Variants in NCKAP1 observed in about 807,000 individuals in gnomAD.
The protein encoded by NCKAP1 is NCK associated protein 1.
Under a neutral mutation model 151.2 loss-of-function variants are expected in NCKAP1, and 21 were observed. That is an observed-to-expected ratio of 0.14 (90% confidence interval 0.10 to 0.20). The LOEUF (loss-of-function observed/expected upper bound fraction) is 0.20, where lower values mean the gene tolerates loss of function less well. Among genes scored for constraint, NCKAP1 ranks in the 10% least tolerant of loss-of-function variants. The probability of loss-of-function intolerance (pLI) is 1.00; values close to 1 mark genes in which losing one functional copy is unlikely to be tolerated. For missense variants in NCKAP1, 933 were observed against 1,352.1 expected (o/e 0.69, Z 4.86); for synonymous variants, 484 against 451.8 (o/e 1.07, Z -0.90).
At chr2:182,979,012 A>C (rs1256301418) in intron 13 of NCKAP1, 97 bp from the exon 14 acceptor site, 4 of 571,472 alleles carry the variant, frequency 7.0e-6, no homozygotes, top group African/African-American at 1.9e-5. Context: ...TGGTATACCC[A>C]TACTATGGAA....
At chr2:182,969,083 A>G (rs2105840634) in intron 15 of NCKAP1, among the ~76,000 whole-genome samples, 1 of 152,334 alleles carries the variant, frequency 6.6e-6, no homozygotes, top group Non-Finnish European at 1.5e-5. Flanking sequence ...AACAGGAATT[A>G]GCTATAGCTG....
At chr2:182,996,423 C>T (rs1250814586) in intron 6 of NCKAP1, among the ~76,000 whole-genome samples, 1 of 152,026 alleles carries the variant, frequency 6.6e-6, no homozygotes. Flanking sequence ...ATGTCTTTTG[C>T]TATTAATCCC....
At chr2:183,002,755 C>A (rs374375453) in intron 4 of NCKAP1, among the ~76,000 whole-genome samples, 1 of 151,742 alleles carries the variant, frequency 6.6e-6, no homozygotes, top group African/African-American at 2.4e-5. Context: ...CTAAAGTTAA[C>A]GTGTATTTCC....
At position 182,952,878 on chromosome 2, in the gene NCKAP1, T is replaced by C. The variant is rs755021686; in HGVS notation, c.2418A>G (p.Ala806=). Residue 806 remains alanine, a synonymous_variant, in exon 22 of 31, where the codon GCA becomes GCG. Transcript: ENST00000361354. ...LLRQVSNGHI[A]YFPAMKAFVN... is the part of the protein sequence containing the mutation. The stretch of plus-strand genomic sequence containing the variant: ...CAAACGCTTTCATTGCAGGAAAATA[T>C]GCTATATGGCCATTGCTGACTTGTC... 3 of 1,612,516 alleles carry C rather than the reference T, an allele frequency of 1.9e-6. No homozygotes were observed. The Admixed American group carries it at 5.0e-5, about 27-fold the overall frequency.
Position 182,928,916 on chromosome 2 carries a change from A to G in NCKAP1, c.2954-17T>C, listed in dbSNP as rs758290001. 6.7e-6 allele frequency: 10 copies of G among 1,487,826 alleles called. No individual in the cohort carries two copies. The highest frequency in any genetic ancestry group is 9.3e-6 in the Non-Finnish European group (10 of 1,071,720). 92.2% of individuals were successfully genotyped at this position (1,487,826 alleles called of 1,614,324 possible). ...TAATGTTTTCTAAGAGACAAAAATT[A>G]AGAATAAAATCAAGGTATTTCTTCA... On this transcript the variant is annotated splice_polypyrimidine_tract_variant and intron_variant, in intron 27 of 30. Transcript: ENST00000361354.
In NCKAP1 at chr2:182,957,454, T is replaced by C. The variant is rs1450538244; in HGVS notation, c.2021+3A>G. Reference sequence around the variant, plus strand: ...AAAAGGTATAATATAAGTGGATACTTACTTGGTCACAACCAGCCTGTTTTT... The same window carrying C: ...AAAAGGTATAATATAAGTGGATACTCACTTGGTCACAACCAGCCTGTTTTT... On this transcript the variant is annotated splice_donor_region_variant and intron_variant, in intron 19 of 30. Coordinates refer to ENST00000361354, the MANE Select transcript of NCKAP1 (RefSeq NM_013436.5). The C allele has an allele frequency of 6.2e-7, 1 of 1,609,926 alleles. No homozygotes were observed. Among genetic ancestry groups the C allele is most frequent in the Non-Finnish European group, 8.5e-7 (1 of 1,179,034 alleles).
chr2:183,016,326 A>C (rs576640639), intron 2 of NCKAP1, among the ~76,000 whole-genome samples: 7 of 152,342 alleles, frequency 4.6e-5, no homozygotes, highest in Non-Finnish European at 7.4e-5. Context: ...TACTTTCCAA[A>C]TATATCAAAG....
intron 15 of NCKAP1, among the ~76,000 whole-genome samples, chr2:182,973,804 T>G (rs572663829): frequency 6.6e-6 from 1 of 152,322 alleles, no homozygotes; most frequent in Non-Finnish European, 1.5e-5. Context: ...CAAAAGTCTC[T>G]TTACTTGCTC....
chr2:183,035,095 T>C (rs1490666945), intron 1 of NCKAP1, among the ~76,000 whole-genome samples: 1 of 151,948 alleles, frequency 6.6e-6, no homozygotes, highest in Non-Finnish European at 1.5e-5. Context: ...AGGGAAACCA[T>C]ATATTTAAAA....
chr2:182,926,127 TA>T (rs1355952715), intron 30 of NCKAP1, among the ~76,000 whole-genome samples: 30 of 151,772 alleles, frequency 2.0e-4, no homozygotes, highest in East Asian at 1.7e-3. Flanking sequence ...AATACAAAAA[TA>T]TTTTTTTTTT....
rs114345644 is a variant in NCKAP1, at chr2:182,930,349, A to C, written c.2953+346T>G. 6.7e-3 allele frequency among the ~76,000 whole-genome samples: 1,018 copies of C among 151,756 alleles called. 8 individuals are homozygous for C. Among genetic ancestry groups the C allele is most frequent in the African/African-American group, 0.023 (938 of 41,384 alleles). ...CCTTTCCTGGTTTTTCTTCTACTTC[A>C]TTGGTCCTTTCTTCTCAATTTCTCT... On this transcript the variant is annotated intron_variant, in intron 27 of 30. Coordinates refer to ENST00000361354, the MANE Select transcript of NCKAP1 (RefSeq NM_013436.5).
At chr2:182,929,593 C>T (rs1696718214) in intron 27 of NCKAP1, among the ~76,000 whole-genome samples, 1 of 151,616 alleles carries the variant, frequency 6.6e-6, no homozygotes, top group South Asian at 2.1e-4. Context: ...TACTAATCAC[C>T]ATTAGATATA....
At position 182,982,742 on chromosome 2, in the gene NCKAP1, G is replaced by T. The variant is rs557732730; in HGVS notation, c.1208+79C>A. The T allele has an allele frequency of 7.2e-5, 61 of 851,620 alleles. No homozygotes were observed. The Middle Eastern group carries it at 1.1e-3, about 16-fold the overall frequency. 52.8% of individuals were successfully genotyped at this position (851,620 alleles called of 1,614,324 possible). A position where few individuals can be genotyped will look rare whatever the true frequency, so the allele number is the denominator to read the frequency against. ...TAACAATATTTTCAACTTACAATAG[G>T]TCTATCAGGACATAACCCCATTGTA... On this transcript the variant is annotated intron_variant, in intron 12 of 30. Transcript: ENST00000361354.
chr2:182,982,802 T>G lies in NCKAP1; in HGVS notation c.1208+19A>C, dbSNP rs1697967087. ...GCATCTATATACAGAAAATATTTTTTTAAATGTTGCTAACTTACTTATCTA... is the reference window on the plus strand; with the variant it reads ...GCATCTATATACAGAAAATATTTTTGTAAATGTTGCTAACTTACTTATCTA... On this transcript the variant is annotated intron_variant, in intron 12 of 30. Transcript: ENST00000361354. 1 of 1,511,586 alleles carries G rather than the reference T, an allele frequency of 6.6e-7. No homozygotes were observed. Among genetic ancestry groups the G allele is most frequent in the African/African-American group, 1.4e-5 (1 of 71,388 alleles). The allele number at this position is 1,511,586 out of a possible 1,614,324, so 93.6% of individuals were successfully genotyped here. A position where few individuals can be genotyped will look rare whatever the true frequency, so the allele number is the denominator to read the frequency against.
chr2:182,978,169 G>C (rs1185041489), intron 14 of NCKAP1, among the ~76,000 whole-genome samples: 1 of 152,144 alleles, frequency 6.6e-6, no homozygotes, highest in Admixed American at 6.6e-5. Flanking sequence ...TAGCAATAAA[G>C]ATTGAACTAA....
chr2:182,970,172 C>T (rs574086545), intron 15 of NCKAP1, among the ~76,000 whole-genome samples: 1 of 152,102 alleles, frequency 6.6e-6, no homozygotes, highest in Non-Finnish European at 1.5e-5. Context: ...TGCTGAATTC[C>T]AGCAAATATT....
intron 2 of NCKAP1, among the ~76,000 whole-genome samples, chr2:183,003,853 C>T (rs934883609): frequency 6.6e-6 from 1 of 151,620 alleles, no homozygotes; most frequent in African/African-American, 2.4e-5. Context: ...TAAACAAAAG[C>T]AAAAACCACA....
At position 183,004,580 on chromosome 2, in the gene NCKAP1, C is replaced by T. The variant is rs1698433690; in HGVS notation, c.220-1255G>A. On this transcript the variant is annotated intron_variant, in intron 2 of 30. Transcript: ENST00000361354. ...CCCTAAATATTGCACTCCCTGAAGA[C>T]ATTTAAAGAAGTAATTCTATCTAGA... is the stretch of plus-strand genomic sequence containing the variant. Among the ~76,000 whole-genome samples, 3 of 149,436 alleles carry T rather than the reference C, an allele frequency of 2.0e-5. No homozygotes were observed. The South Asian group carries it at 6.3e-4, about 32-fold the overall frequency.
rs751136773 is a variant in NCKAP1, at chr2:182,925,675, G to T, written c.*27C>A. On this transcript the variant is annotated 3_prime_UTR_variant, in exon 31 of 31. Transcript: ENST00000361354. ...GGTAAAACCAAGGCAACAAAAATGC[G>T]TGCTTATCTTGATTAAGTAGGTAAT... The T allele has an allele frequency of 7.2e-7, 1 of 1,384,058 alleles. No homozygotes were observed. Among genetic ancestry groups the T allele is most frequent in the South Asian group, 1.4e-5 (1 of 73,866 alleles). The allele number at this position is 1,384,058 out of a possible 1,614,324, so 85.7% of individuals were successfully genotyped here. A position where few individuals can be genotyped will look rare whatever the true frequency, so the allele number is the denominator to read the frequency against.
Sources: gnomAD v4.1 joint callset for allele counts (sites outside exome capture counted in the v4.1 genomes callset) on GRCh38, gnomAD v4.1.1 for gene constraint, MANE v1.5 for transcripts, NCBI Gene and HGNC (gene_info 2026-07-23, HGNC 2026-07-21) for gene names.